Variants in SCGN observed in about 807,000 individuals in gnomAD.
The protein encoded by SCGN is secretagogin, EF-hand calcium binding protein, also known as secretagogin.
A neutral mutation model predicts 39.7 loss-of-function variants in SCGN; 30 were observed. That is an observed-to-expected ratio of 0.76 (90% CI 0.57 to 1.03). The LOEUF (loss-of-function observed/expected upper bound fraction) is 1.03, where lower values mean the gene tolerates loss of function less well. Ranked by LOEUF, SCGN falls within the 50% of genes least tolerant of loss-of-function variation. The pLI, the probability that SCGN is intolerant of heterozygous loss-of-function variation, is 0.00. For missense variants in SCGN, 353 were observed against 349.4 expected, an observed-to-expected ratio of 1.01 and a Z score of -0.08; for synonymous variants, 106 against 114.1, an observed-to-expected ratio of 0.93 and a Z score of 0.45.
At chr6:25,700,556 G>A (rs1200562335) in intron 10 of SCGN, among the ~76,000 whole-genome samples, 1 of 152,122 alleles carries the variant, frequency 6.6e-6, no homozygotes, top group Non-Finnish European at 1.5e-5. Flanking sequence ...ATTTGTAAAA[G>A]AGGTGGAATT....
intron 3 of SCGN, among the ~76,000 whole-genome samples, chr6:25,664,569 T>A (rs921244346): frequency 1.3e-5 from 2 of 152,210 alleles, no homozygotes; most frequent in Non-Finnish European, 2.9e-5. Flanking sequence ...TTATTTGCTA[T>A]TTTTATTTTC....
At chr6:25,672,123 T>C (rs1228131759) in intron 6 of SCGN, among the ~76,000 whole-genome samples, 5 of 152,220 alleles carry the variant, frequency 3.3e-5, no homozygotes, top group Admixed American at 3.3e-4. Flanking sequence ...CTAAAAAAAA[T>C]CTTCTGTAGC....
At chr6:25,696,711 A>G (rs1759842240) in intron 10 of SCGN, among the ~76,000 whole-genome samples, 1 of 152,152 alleles carries the variant, frequency 6.6e-6, no homozygotes, top group Admixed American at 6.5e-5. Flanking sequence ...TTCCTTCTTC[A>G]ACGTCCTTTC....
Position 25,701,298 on chromosome 6 carries a change from A to G in SCGN, c.794A>G (p.Glu265Gly). ...AAGGATGGAAAAATTCAGAAGTCTG[A>G]GCTGGCTTTGTGTCTTGGGCTGAAA... ...VNKDGKIQKSELALCLGLKIN... is the reference protein window; with the variant it reads ...VNKDGKIQKSGLALCLGLKIN... Residue 265 changes from glutamate to glycine, a missense_variant, in exon 11 of 11, where the codon GAG (glutamate) becomes GGG (glycine). Coordinates refer to ENST00000377961, the MANE Select transcript of SCGN (RefSeq NM_006998.4). 6.2e-7 allele frequency: 1 copy of G among 1,613,472 alleles called. No individual in the cohort carries two copies. Among genetic ancestry groups the G allele is most frequent in the Non-Finnish European group, 8.5e-7 (1 of 1,179,792 alleles).
At chr6:25,693,033 T>C (rs1340756149) in intron 10 of SCGN, among the ~76,000 whole-genome samples, 3 of 152,232 alleles carry the variant, frequency 2.0e-5, no homozygotes, top group Non-Finnish European at 1.5e-5. Context: ...TGTCTTCTCA[T>C]CCATTATATG....
At chr6:25,672,397 A>C (rs985277797) in intron 6 of SCGN, among the ~76,000 whole-genome samples, 6 of 152,216 alleles carry the variant, frequency 3.9e-5, no homozygotes, top group Admixed American at 2.0e-4. Flanking sequence ...AAAATTAAAA[A>C]GTGGAGTTGG....
rs757982526 is a variant in SCGN, at chr6:25,669,491, G to A, written c.337-20G>A. ...AAGTTATCTGAGGATAAATTAATTAGTGACTTTTGTGTATTTCAGATTTGG... is the reference window on the plus strand; with the variant it reads ...AAGTTATCTGAGGATAAATTAATTAATGACTTTTGTGTATTTCAGATTTGG... On this transcript the variant is annotated intron_variant, in intron 4 of 10. Transcript: ENST00000377961. The A allele has an allele frequency of 6.2e-7, 1 of 1,607,188 alleles. No individual in the cohort carries two copies. The highest frequency in any genetic ancestry group is 1.1e-5 in the South Asian group (1 of 90,870).
intron 6 of SCGN, 36 bp downstream of exon 6, chr6:25,670,112 C>A: frequency 1.5e-6 from 2 of 1,378,464 alleles, no homozygotes; most frequent in Non-Finnish European, 2.1e-6. Flanking sequence ...ATGAGGGCAG[C>A]TCCCCCACTC....
chr6:25,665,992 T>C (rs985187542), intron 4 of SCGN, among the ~76,000 whole-genome samples: 3 of 150,328 alleles, frequency 2.0e-5, no homozygotes. Context: ...TCAGTCAGGA[T>C]CCTTTAAAAT....
In SCGN at chr6:25,696,176, C is replaced by A. The variant is rs114455531; in HGVS notation, c.703-5031C>A. 3.8e-3 allele frequency among the ~76,000 whole-genome samples: 580 copies of A among 152,178 alleles called. 2 individuals are homozygous for A. Among genetic ancestry groups the A allele is most frequent in the Non-Finnish European group, 6.7e-3 (453 of 68,006 alleles). On this transcript the variant is annotated intron_variant, in intron 10 of 10. Coordinates refer to ENST00000377961, the MANE Select transcript of SCGN (RefSeq NM_006998.4). Reference sequence around the variant, plus strand: ...AACATGTGCCTCTCTAAAGAGCTAGCCCTTAGCAAAAATGTCTCTTTTCAC... The same window carrying A: ...AACATGTGCCTCTCTAAAGAGCTAGACCTTAGCAAAAATGTCTCTTTTCAC...
At chr6:25,694,604 CA>C (rs1227787723) in intron 10 of SCGN, among the ~76,000 whole-genome samples, 2 of 152,180 alleles carry the variant, frequency 1.3e-5, no homozygotes, top group Non-Finnish European at 2.9e-5. Flanking sequence ...GTCAGTAATT[CA>C]AAAGGAATTT....
At chr6:25,680,050 G>A (rs1359883829) in intron 6 of SCGN, among the ~76,000 whole-genome samples, 6 of 149,752 alleles carry the variant, frequency 4.0e-5, no homozygotes, top group Non-Finnish European at 7.5e-5. Flanking sequence ...TATTACAAAC[G>A]CAGATTTTTT....
chr6:25,661,677 A>T (rs373426144), intron 3 of SCGN, 33 bp downstream of exon 3: 442 of 1,346,232 alleles, frequency 3.3e-4, no homozygotes, highest in South Asian at 6.5e-4. Flanking sequence ...TCATGGCTCT[A>T]CTCTTCTTGA....
chr6:25,665,587 C>T (rs1760410171), intron 4 of SCGN, among the ~76,000 whole-genome samples: 1 of 152,160 alleles, frequency 6.6e-6, no homozygotes, highest in African/African-American at 2.4e-5. Context: ...CTCTGGGCTA[C>T]CCCCTCGCTC....
chr6:25,666,307 A>G (rs1308558503), intron 4 of SCGN, among the ~76,000 whole-genome samples: 2 of 152,046 alleles, frequency 1.3e-5, no homozygotes, highest in African/African-American at 2.4e-5. Context: ...GTGAGCATAG[A>G]TCGCACCATT....
At chr6:25,670,874 T>C (rs894178572) in intron 6 of SCGN, among the ~76,000 whole-genome samples, 1 of 152,224 alleles carries the variant, frequency 6.6e-6, no homozygotes, top group African/African-American at 2.4e-5. Context: ...TGATTTGTAT[T>C]GAACTGCATC....
At chr6:25,684,425 G>A (rs9348689) in intron 7 of SCGN, among the ~76,000 whole-genome samples, 3 of 152,006 alleles carry the variant, frequency 2.0e-5, no homozygotes, top group African/African-American at 7.2e-5. Context: ...CCCACAGATA[G>A]GGGGTGCCAA....
At chr6:25,653,242 TTGGC>T (rs1405439736) in intron 1 of SCGN, 136 bp from the exon 2 acceptor site, 1 of 624,082 alleles carries the variant, frequency 1.6e-6, no homozygotes, top group Non-Finnish European at 2.8e-6. Context: ...GAGGTAGGTG[TTGGC>T]ACTTTGTTAT....
intron 5 of SCGN, among the ~76,000 whole-genome samples, chr6:25,669,777 T>G (rs1005401709): frequency 3.3e-5 from 5 of 152,148 alleles, no homozygotes; most frequent in African/African-American, 1.2e-4. Flanking sequence ...AGAAGCATAA[T>G]TGAGCATTTA....
Sources: allele counts gnomAD v4.1 joint callset (sites outside exome capture counted in the v4.1 genomes callset), GRCh38; gene constraint gnomAD v4.1.1; transcripts MANE v1.5; gene names NCBI Gene and HGNC (gene_info 2026-07-23, HGNC 2026-07-21).